The following EPS8 variants were observed in gnomAD, a reference collection of about 807,000 sequenced individuals.
EPS8 encodes the protein EGFR pathway substrate 8, signaling adaptor.
EPS8 carries 42 observed loss-of-function variants against 103.8 expected under a neutral mutation model. The ratio of observed to expected loss-of-function variants is 0.40; its 90% CI spans 0.32 to 0.52. The LOEUF is 0.52. Ranked by LOEUF, EPS8 falls within the 20% of genes least tolerant of loss-of-function variation. EPS8 has a pLI of 0.40. For synonymous variants in EPS8, 344 were observed against 344.6 expected (o/e 1.00, Z 0.02); for missense variants, 969 against 1,005.1 (o/e 0.96, Z 0.49).
intron 7 of EPS8, 139 bp from the exon 8 acceptor site, chr12:15,666,031 A>G: frequency 3.5e-6 from 3 of 848,120 alleles, no homozygotes; most frequent in Non-Finnish European, 5.4e-6. Context: ...AGCATTACAC[A>G]TTATGCATAT....
chr12:15,647,152 G>A lies in EPS8; in HGVS notation c.1543C>T (p.Pro515Ser), dbSNP rs1945333151. The change falls in exon 15 of 21, where the codon CCA becomes TCA. Residue 515 changes from proline to serine, a missense_variant. Transcript: ENST00000281172. ...DQGEAAVAFKPTSNRHIDRNY... is the reference protein window; with the variant it reads ...DQGEAAVAFKSTSNRHIDRNY... The stretch of plus-strand genomic sequence containing the variant: ...CTATCTATATGGCGATTAGAAGTTG[G>A]CTTAAAAGCAACAGCAGCTTCCCCT... 1.2e-6 allele frequency: 2 copies of A among 1,613,912 alleles called. No homozygotes were observed. Among genetic ancestry groups the A allele is most frequent in the South Asian group, 2.2e-5 (2 of 91,020 alleles).
chr12:15,750,165 C>T (rs1356081389), intron 1 of EPS8, among the ~76,000 whole-genome samples: 1 of 152,164 alleles, frequency 6.6e-6, no homozygotes. Context: ...GTGTTTGCCA[C>T]GGCCCTGCCC....
intron 1 of EPS8, among the ~76,000 whole-genome samples, chr12:15,705,081 C>A (rs1946366712): frequency 1.3e-5 from 2 of 152,070 alleles, no homozygotes; most frequent in African/African-American, 4.8e-5. Context: ...AACTGAACTG[C>A]ATCTTGAAGG....
Position 15,702,534 on chromosome 12 carries a change from T to C in EPS8, c.-21-19562A>G, listed in dbSNP as rs1324326798. On this transcript the variant is annotated intron_variant, in intron 1 of 20. Transcript: ENST00000281172. This position sits in a 1 kb window ranked among gnomAD's most constrained non-coding sequence, Gnocchi z 5.1. ...TATGAATGTCTATGAGATCAGTGTC[T>C]GGAAATCTTCATAGAGCAGCAGCAA... 6.6e-6 allele frequency among the ~76,000 whole-genome samples: 1 copy of C among 152,058 alleles called. No homozygotes were observed. Among genetic ancestry groups the C allele is most frequent in the Non-Finnish European group, 1.5e-5 (1 of 68,016 alleles).
chr12:15,625,694 G>C (rs1944933221), intron 18 of EPS8, among the ~76,000 whole-genome samples: 1 of 152,070 alleles, frequency 6.6e-6, no homozygotes, highest in Non-Finnish European at 1.5e-5. Flanking sequence ...GGATACCACA[G>C]TCTCCTCATT....
At chr12:15,644,560 TG>T (rs1945287703) in intron 15 of EPS8, among the ~76,000 whole-genome samples, 1 of 152,122 alleles carries the variant, frequency 6.6e-6, no homozygotes, top group African/African-American at 2.4e-5. Flanking sequence ...TAGCCGGGCA[TG>T]GTGGCGGGCA....
intron 2 of EPS8, among the ~76,000 whole-genome samples, chr12:15,681,599 G>A (rs765926540): frequency 2.4e-4 from 37 of 151,344 alleles, no homozygotes; most frequent in Non-Finnish European, 4.9e-4. Flanking sequence ...GCGTTGTGGC[G>A]CATGCCTGTA....
intron 15 of EPS8, among the ~76,000 whole-genome samples, chr12:15,643,395 C>T (rs1049990667): frequency 1.3e-5 from 2 of 152,140 alleles, no homozygotes; most frequent in Non-Finnish European, 2.9e-5. Flanking sequence ...GGATATGACA[C>T]TGACCATAGT....
At position 15,771,047 on chromosome 12, in the gene EPS8, A is replaced by G. The variant is rs1489826880; in HGVS notation, c.-22+18114T>C. Among the ~76,000 whole-genome samples the G allele has an allele frequency of 3.9e-5, 6 of 152,208 alleles. No individual in the cohort carries two copies. The highest frequency in any genetic ancestry group is 1.4e-4 in the African/African-American group (6 of 41,450). The stretch of plus-strand genomic sequence containing the variant: ...CACACATGTATATAAATTACAGTTC[A>G]CGAAAGAAAATAAGTGCCTAGGCGA... On this transcript the variant is annotated intron_variant, in intron 1 of 20. Coordinates refer to ENST00000281172, the MANE Select transcript of EPS8 (RefSeq NM_004447.6). This position sits in a 1 kb window ranked among gnomAD's most constrained non-coding sequence, Gnocchi z 4.6.
intron 1 of EPS8, among the ~76,000 whole-genome samples, chr12:15,742,056 T>C (rs1489513583): frequency 6.6e-6 from 1 of 152,238 alleles, no homozygotes; most frequent in Non-Finnish European, 1.5e-5. Flanking sequence ...TCCTTTTTTA[T>C]GGCTGCATAG....
rs1946266842 is a variant in EPS8 at position 15,698,248 on chromosome 12, ATCT to A, written c.-21-15279_-21-15277del. On this transcript the variant is annotated intron_variant, in intron 1 of 20. Coordinates refer to ENST00000281172, the MANE Select transcript of EPS8 (RefSeq NM_004447.6). The surrounding 1 kb of genome is among the most constrained non-coding windows in gnomAD (Gnocchi z 4.9). Reference sequence around the variant, plus strand: ...GGCCAAATGGAGATGTTTATCTCAAATCTTCTTATAAGAAAAGACAGAATAAAA... The same window carrying A: ...GGCCAAATGGAGATGTTTATCTCAAATCTTATAAGAAAAGACAGAATAAAA... Among the ~76,000 whole-genome samples the A allele has an allele frequency of 6.6e-6, 1 of 152,220 alleles. No individual in the cohort carries two copies. The highest frequency in any genetic ancestry group is 2.4e-5 in the African/African-American group (1 of 41,478).
chr12:15,745,589 A>C lies in EPS8; in HGVS notation c.-22+43572T>G, dbSNP rs998452462. The stretch of plus-strand genomic sequence containing the variant: ...AAAAAAAAAATTCTTTAAACCACAG[A>C]AAAAGAAATCACTTTTATTTTGTCA... On this transcript the variant is annotated intron_variant, in intron 1 of 20. Coordinates refer to ENST00000281172, the MANE Select transcript of EPS8 (RefSeq NM_004447.6). The surrounding 1 kb of genome is among the most constrained non-coding windows in gnomAD (Gnocchi z 4.6). Among the ~76,000 whole-genome samples, 5 of 152,146 alleles carry C rather than the reference A, an allele frequency of 3.3e-5. No homozygotes were observed. Among genetic ancestry groups the C allele is most frequent in the Admixed American group, 3.3e-4 (5 of 15,270 alleles).
chr12:15,751,807 A>G lies in EPS8; in HGVS notation c.-22+37354T>C, dbSNP rs148305129. Reference sequence around the variant, plus strand: ...CTCTACTTACACCATAGCTCAGACAACATGTTAGACGTTAACTAGACTTCT... The same window carrying G: ...CTCTACTTACACCATAGCTCAGACAGCATGTTAGACGTTAACTAGACTTCT... On this transcript the variant is annotated intron_variant, in intron 1 of 20. Coordinates refer to ENST00000281172, the MANE Select transcript of EPS8 (RefSeq NM_004447.6). The surrounding 1 kb of genome is among the most constrained non-coding windows in gnomAD (Gnocchi z 4.3). Among the ~76,000 whole-genome samples the G allele has an allele frequency of 2.3e-4, 35 of 152,018 alleles. 1 individual carries two copies. The highest frequency in any genetic ancestry group is 8.0e-4 in the African/African-American group (33 of 41,432).
In EPS8 at chr12:15,620,483, C is replaced by T. The variant is rs1053492797; in HGVS notation, c.*834G>A. On this transcript the variant is annotated 3_prime_UTR_variant, in exon 21 of 21. Transcript: ENST00000281172. ...CACAGATAAACACATAAAATGGCCC[C>T]ACTTCCTTTTAACTACTCATATCAA... 7 of 152,584 alleles carry T rather than the reference C, an allele frequency of 4.6e-5. No homozygotes were observed. The highest frequency in any genetic ancestry group is 1.4e-4 in the African/African-American group (6 of 41,450). The allele number at this position is 152,584 out of a possible 1,614,324, so 9.5% of individuals were successfully genotyped here.
chr12:15,663,938 A>AT (rs1398079111), intron 8 of EPS8, among the ~76,000 whole-genome samples: 9,568 of 35,362 alleles, frequency 0.27, 1,055 homozygotes, highest in South Asian at 0.37. Context: ...AAAAAAAAAA[A>AT]AAAAAAAATA....
At chr12:15,720,754 C>A (rs999965597) in intron 1 of EPS8, among the ~76,000 whole-genome samples, 1 of 152,136 alleles carries the variant, frequency 6.6e-6, no homozygotes, top group Non-Finnish European at 1.5e-5. Flanking sequence ...CTTCTATGAC[C>A]TCCTTGCTCA....
At chr12:15,625,719 C>T (rs1944933644) in intron 18 of EPS8, among the ~76,000 whole-genome samples, 1 of 152,130 alleles carries the variant, frequency 6.6e-6, no homozygotes, top group Non-Finnish European at 1.5e-5. Flanking sequence ...TCCCATGTTT[C>T]TGGACTCCCC....
rs55969412 is a variant in EPS8 at position 15,707,072 on chromosome 12, C to A, written c.-21-24100G>T. ...AGAGCAGGCTAAATACATGACAGTTCTTTCCTCCATGTGGGAAAAAGGCAC... is the reference window on the plus strand; with the variant it reads ...AGAGCAGGCTAAATACATGACAGTTATTTCCTCCATGTGGGAAAAAGGCAC... On this transcript the variant is annotated intron_variant, in intron 1 of 20. Transcript: ENST00000281172. Among the ~76,000 whole-genome samples, 695 of 152,286 alleles carry A rather than the reference C, an allele frequency of 4.6e-3. 3 individuals carry two copies. Among genetic ancestry groups the A allele is most frequent in the African/African-American group, 0.016 (647 of 41,558 alleles).
At position 15,695,430 on chromosome 12, in the gene EPS8, A is replaced by G. The variant is rs1194036205; in HGVS notation, c.-21-12458T>C. On this transcript the variant is annotated intron_variant, in intron 1 of 20. Coordinates refer to ENST00000281172, the MANE Select transcript of EPS8 (RefSeq NM_004447.6). The surrounding 1 kb of genome is among the most constrained non-coding windows in gnomAD (Gnocchi z 5.0). ...CTTCCTAGAATAATAGAAATGCACTATATTAGCACTGCTCAATACAGTAGC... is the reference window on the plus strand; with the variant it reads ...CTTCCTAGAATAATAGAAATGCACTGTATTAGCACTGCTCAATACAGTAGC... Among the ~76,000 whole-genome samples the G allele has an allele frequency of 2.0e-5, 3 of 152,264 alleles. No individual in the cohort carries two copies. The highest frequency in any genetic ancestry group is 1.3e-4 in the Admixed American group (2 of 15,290).
Sources: gnomAD v4.1 joint callset for allele counts (sites outside exome capture counted in the v4.1 genomes callset) on GRCh38, gnomAD v4.1.1 for gene constraint, Gnocchi (gnomAD v3.1) non-coding constraint, MANE v1.5 for transcripts, NCBI Gene and HGNC (gene_info 2026-07-23, HGNC 2026-07-21) for gene names.